The following KIAA1217 variants were observed in gnomAD, a reference collection of about 807,000 sequenced individuals.
The protein encoded by KIAA1217 is sickle tail protein homolog.
Under a neutral mutation model 163.9 loss-of-function variants are expected in KIAA1217, and 88 were observed. The observed-to-expected ratio is 0.54, with a 90% CI of 0.45 to 0.64. The LOEUF (loss-of-function observed/expected upper bound fraction) is 0.64, where lower values mean the gene tolerates loss of function less well. KIAA1217 is among the 30% of genes least tolerant of loss of function. The probability of loss-of-function intolerance (pLI) is 0.00; values close to 1 mark genes in which losing one functional copy is unlikely to be tolerated. For missense variants in KIAA1217, 2,372 were observed against 2,475.0 expected (o/e 0.96, Z 0.88); for synonymous variants, 903 against 923.1 (o/e 0.98, Z 0.39).
intron 6 of KIAA1217, among the ~76,000 whole-genome samples, chr10:24,489,569 T>A (rs932821508): frequency 2.0e-5 from 3 of 151,528 alleles, no homozygotes; most frequent in Admixed American, 2.0e-4. Context: ...GAAACTTGAA[T>A]CAAAAAGTTA....
At chr10:23,911,644 T>C (rs1011139405) in intron 1 of KIAA1217, among the ~76,000 whole-genome samples, 1 of 152,216 alleles carries the variant, frequency 6.6e-6, no homozygotes, top group Non-Finnish European at 1.5e-5. Context: ...TATATATGTA[T>C]TTGGCAAAAC....
At chr10:24,206,578 T>C (rs1648540406), upstream of KIAA1217, among the ~76,000 whole-genome samples, 2 of 152,208 alleles carry the variant, frequency 1.3e-5, no homozygotes, top group Non-Finnish European at 1.5e-5. Flanking sequence ...TTGTTTTCAG[T>C]TCCTCTTCTT....
rs113052286 is a variant in KIAA1217 at position 23,809,333 on chromosome 10, A to G, written c.-321+114099A>G. 7.6e-4 allele frequency among the ~76,000 whole-genome samples: 116 copies of G among 152,172 alleles called. 1 individual carries two copies. Among genetic ancestry groups the G allele is most frequent in the African/African-American group, 2.5e-3 (103 of 41,556 alleles). ...TTGAGTCCTTGGGTTACTTGGAAAA[A>G]CATTAAAGATATTAATTAAATCTAG... On this transcript the variant is annotated intron_variant, in intron 1 of 18. Transcript: ENST00000376462.
At chr10:23,733,466 A>G (rs1838597567) in intron 1 of KIAA1217, among the ~76,000 whole-genome samples, 1 of 152,206 alleles carries the variant, frequency 6.6e-6, no homozygotes, top group African/African-American at 2.4e-5. Flanking sequence ...AGTCTTTTCT[A>G]TAAAATGGCA....
intron 2 of KIAA1217, among the ~76,000 whole-genome samples, chr10:24,152,589 C>T (rs1310607133): frequency 6.6e-6 from 1 of 152,160 alleles, no homozygotes; most frequent in East Asian, 1.9e-4. Flanking sequence ...GATTATGTTA[C>T]TTCTGTGAGA....
intron 2 of KIAA1217, among the ~76,000 whole-genome samples, chr10:24,078,661 C>T (rs2061443614): frequency 6.6e-6 from 1 of 152,158 alleles, no homozygotes; most frequent in South Asian, 2.1e-4. Context: ...CTTTTGGCAG[C>T]ATTCTTGTTC....
intron 8 of KIAA1217, among the ~76,000 whole-genome samples, chr10:24,498,460 T>TA (rs1385517012): frequency 1.3e-4 from 20 of 152,152 alleles, no homozygotes; most frequent in African/African-American, 4.6e-4. Flanking sequence ...AGCTATGACA[T>TA]GTACCAAATA....
chr10:24,181,933 C>G (rs1238274591), intron 2 of KIAA1217, among the ~76,000 whole-genome samples: 1 of 151,984 alleles, frequency 6.6e-6, no homozygotes, highest in Non-Finnish European at 1.5e-5. Context: ...GTGGAACATG[C>G]CTGTTCTTTT....
intron 2 of KIAA1217, among the ~76,000 whole-genome samples, chr10:24,131,305 C>T (rs1264536615): frequency 6.6e-6 from 1 of 152,152 alleles, no homozygotes; most frequent in Admixed American, 6.5e-5. Flanking sequence ...TCAAATTCAA[C>T]CTTGGAGCTT....
At chr10:23,942,181 C>T (rs545586209) in intron 1 of KIAA1217, among the ~76,000 whole-genome samples, 2 of 152,018 alleles carry the variant, frequency 1.3e-5, no homozygotes, top group Admixed American at 6.6e-5. Flanking sequence ...AAGAAACAGA[C>T]GTGACCAAGA....
chr10:24,543,537 A>AC lies in KIAA1217; in HGVS notation c.4273dup (p.Arg1425ProfsTer6), dbSNP rs758139521. ...TAATATCGATGCCAGAAAAGAGATG[A>AC]CCCCCCGACAAGAAGGGACTGACAA... On this transcript the variant is annotated frameshift_variant, in exon 19 of 21. Transcript: ENST00000376454. LOFTEE classifies it high-confidence loss of function. The AC allele has an allele frequency of 5.6e-6, 9 of 1,613,642 alleles. No homozygotes were observed. The highest frequency in any genetic ancestry group is 1.1e-5 in the South Asian group (1 of 91,018).
At chr10:24,415,136 T>G (rs146114364) in intron 3 of KIAA1217, among the ~76,000 whole-genome samples, 4,000 of 140,114 alleles carry the variant, frequency 0.029, 84 homozygotes, top group African/African-American at 0.065. Flanking sequence ...TTTTTTGAGA[T>G]AGAGTCTTTC....
intron 1 of KIAA1217, among the ~76,000 whole-genome samples, chr10:23,902,415 G>A (rs1841993671): frequency 6.6e-6 from 1 of 152,070 alleles, no homozygotes; most frequent in Non-Finnish European, 1.5e-5. Flanking sequence ...CAAGAAGTCT[G>A]ATTGGATGGG....
At chr10:24,062,773 T>C (rs1003402575) in intron 2 of KIAA1217, among the ~76,000 whole-genome samples, 3 of 152,142 alleles carry the variant, frequency 2.0e-5, no homozygotes, top group African/African-American at 7.2e-5. Flanking sequence ...AAAGTGTTCC[T>C]ATTTCTCCAC....
At chr10:24,021,444 A>G (rs924000562) in intron 2 of KIAA1217, among the ~76,000 whole-genome samples, 3 of 151,984 alleles carry the variant, frequency 2.0e-5, no homozygotes, top group African/African-American at 7.2e-5. Flanking sequence ...AAAGAAATCA[A>G]AGAAGATATA....
intron 2 of KIAA1217, among the ~76,000 whole-genome samples, chr10:24,221,161 A>T (rs994972086): frequency 6.6e-6 from 1 of 152,122 alleles, no homozygotes; most frequent in African/African-American, 2.4e-5. Flanking sequence ...TTTGACAGTC[A>T]TATAGACATT....
chr10:24,293,764 G>C (rs1042716320), intron 2 of KIAA1217, among the ~76,000 whole-genome samples: 1 of 152,150 alleles, frequency 6.6e-6, no homozygotes, highest in Non-Finnish European at 1.5e-5. Flanking sequence ...CTATTCACTT[G>C]TCACAGCTGA....
intron 1 of KIAA1217, among the ~76,000 whole-genome samples, chr10:23,696,893 A>C (rs1487192677): frequency 6.6e-6 from 1 of 152,228 alleles, no homozygotes; most frequent in Admixed American, 6.5e-5. Context: ...GAATGCATGA[A>C]TTATGCATAG....
intron 2 of KIAA1217, among the ~76,000 whole-genome samples, chr10:24,312,306 A>AT (rs1264294974): frequency 1.3e-5 from 2 of 149,354 alleles, no homozygotes; most frequent in African/African-American, 4.9e-5. Context: ...CATGTCATAG[A>AT]TTTAAAAAAA....
Sources: allele counts gnomAD v4.1 joint callset (sites outside exome capture counted in the v4.1 genomes callset), GRCh38; gene constraint gnomAD v4.1.1; transcripts MANE v1.5; gene names NCBI Gene and HGNC (gene_info 2026-07-23, HGNC 2026-07-21).